SLIT1: variants seen among roughly 807,000 people sequenced by gnomAD.
SLIT1 encodes slit homolog 1 protein.
SLIT1 carries 66 observed loss-of-function variants against 186.1 expected under a neutral mutation model. That is an observed-to-expected ratio of 0.35 (90% CI 0.29 to 0.44). The LOEUF (loss-of-function observed/expected upper bound fraction) is 0.44, where lower values mean the gene tolerates loss of function less well. Ranked by LOEUF, SLIT1 falls within the 20% of genes least tolerant of loss-of-function variation. The pLI, the probability that SLIT1 is intolerant of heterozygous loss-of-function variation, is 1.00. For synonymous variants in SLIT1, 761 were observed against 833.8 expected, an observed-to-expected ratio of 0.91 and a Z score of 1.50; for missense variants, 1,638 against 2,037.4, an observed-to-expected ratio of 0.80 and a Z score of 3.77.
At chr10:97,087,988 G>C (rs573363831) in intron 4 of SLIT1, among the ~76,000 whole-genome samples, 1 of 152,176 alleles carries the variant, frequency 6.6e-6, no homozygotes, top group East Asian at 1.9e-4. Flanking sequence ...ATCAGAATCT[G>C]CCTTTAATAA....
rs746210844 is a variant in SLIT1 at position 97,004,707 on chromosome 10, G to A, written c.3696C>T (p.Ser1232=). The A allele has an allele frequency of 1.9e-6, 3 of 1,614,148 alleles. No individual in the cohort carries two copies. The highest frequency in any genetic ancestry group is 2.5e-6 in the Non-Finnish European group (3 of 1,180,018). Residue 1232 remains serine (S), a synonymous_variant, in exon 33 of 37, where the codon AGC becomes AGT. Coordinates refer to ENST00000266058, the MANE Select transcript of SLIT1 (RefSeq NM_003061.3). This position sits in a 1 kb window ranked among gnomAD's most constrained non-coding sequence, Gnocchi z 5.1. ...RVSYDPGSYP[S]SAIYSAETIN... ...GGAAGCCCTACCTGTAGATGGCAGA[G>A]CTGGGGTAGCTGCCTGGGTCGTAGC... is the stretch of plus-strand genomic sequence containing the variant.
intron 21 of SLIT1, among the ~76,000 whole-genome samples, chr10:97,039,161 G>C (rs962351323): frequency 3.3e-5 from 5 of 152,190 alleles, no homozygotes; most frequent in Non-Finnish European, 7.3e-5. Flanking sequence ...CGCTGGTCCT[G>C]GGGGTGGGGG....
rs954143919 is a variant in SLIT1, at chr10:97,031,116, G to A, written c.2511-288C>T. Among the ~76,000 whole-genome samples the A allele has an allele frequency of 2.6e-5, 4 of 152,190 alleles. No individual in the cohort carries two copies. The South Asian group carries it at 8.3e-4, about 32-fold the overall frequency. On this transcript the variant is annotated intron_variant, in intron 24 of 36. Transcript: ENST00000266058. Reference sequence around the variant, plus strand: ...TCCCTCTTTTCGTGGAGGACCCTAAGGGGGGAGGCGCTTCTTCTTAGGAAG... The same window carrying A: ...TCCCTCTTTTCGTGGAGGACCCTAAAGGGGGAGGCGCTTCTTCTTAGGAAG...
chr10:97,058,846 G>A (rs1254925554), intron 11 of SLIT1, among the ~76,000 whole-genome samples: 3 of 152,218 alleles, frequency 2.0e-5, no homozygotes, highest in East Asian at 1.9e-4. Flanking sequence ...AAGTGCTGTA[G>A]GACCTCGGGT....
intron 30 of SLIT1, among the ~76,000 whole-genome samples, chr10:97,011,850 C>T (rs1204490441): frequency 2.0e-5 from 3 of 152,096 alleles, no homozygotes; most frequent in Non-Finnish European, 2.9e-5. Context: ...AATACCGTCT[C>T]CTGTCTGCCT....
Position 96,998,934 on chromosome 10 carries a change from T to C in SLIT1, c.*2178A>G, listed in dbSNP as rs1017849618. On this transcript the variant is annotated 3_prime_UTR_variant, in exon 37 of 37. Coordinates refer to ENST00000266058, the MANE Select transcript of SLIT1 (RefSeq NM_003061.3). ...AGAGGCCTCCTGCCAGCCAGTGCCC[T>C]TCAAGCCTGGGAATTGGCTTCTCCA... The C allele has an allele frequency of 2.0e-5, 3 of 152,404 alleles. No individual in the cohort carries two copies. Among genetic ancestry groups the C allele is most frequent in the Non-Finnish European group, 2.9e-5 (2 of 68,204 alleles). The allele number at this position is 152,404 out of a possible 1,614,324, so 9.4% of individuals were successfully genotyped here.
chr10:97,049,738 C>T (rs1848770733), intron 13 of SLIT1, among the ~76,000 whole-genome samples: 1 of 152,256 alleles, frequency 6.6e-6, no homozygotes, highest in Non-Finnish European at 1.5e-5. Flanking sequence ...CTCTCCTTGA[C>T]CATTTTACAG....
intron 13 of SLIT1, among the ~76,000 whole-genome samples, chr10:97,052,594 T>A (rs1314946712): frequency 6.6e-6 from 1 of 152,214 alleles, no homozygotes; most frequent in Non-Finnish European, 1.5e-5. Flanking sequence ...AATTGTATAC[T>A]TAGAACAGGT....
rs118017338 is a variant in SLIT1 at position 97,023,691 on chromosome 10, G to A, written c.2583-2278C>T. Among the ~76,000 whole-genome samples the A allele has an allele frequency of 2.7e-4, 41 of 152,236 alleles. No individual in the cohort carries two copies. The East Asian group carries it at 5.2e-3, about 19-fold the overall frequency. On this transcript the variant is annotated intron_variant, in intron 25 of 36. Coordinates refer to ENST00000266058, the MANE Select transcript of SLIT1 (RefSeq NM_003061.3). ...GGTGAGGTAGCTCATTCCTGTAATC[G>A]CAGCACTGTGGGAGGCCGAGGCAGG...
Position 97,014,152 on chromosome 10 carries a change from G to A in SLIT1, c.2976C>T (p.Ser992=), listed in dbSNP as rs1848434317. The A allele has an allele frequency of 6.2e-7, 1 of 1,613,528 alleles. No individual in the cohort carries two copies. The highest frequency in any genetic ancestry group is 8.5e-7 in the Non-Finnish European group (1 of 1,180,044). ...TTGGTCCTTCAAAGCCGGTGGGACA[G>A]GAGCACCTGTGCGGGGAAGGGGAGG... ...QEGEDAPFTC[S]CPTGFEGPTC... Residue 992 remains serine (S), a synonymous_variant, in exon 29 of 37, where the codon TCC becomes TCT. Coordinates refer to ENST00000266058, the MANE Select transcript of SLIT1 (RefSeq NM_003061.3).
At chr10:97,161,107 C>T (rs995407865) in intron 3 of SLIT1, among the ~76,000 whole-genome samples, 2 of 152,142 alleles carry the variant, frequency 1.3e-5, no homozygotes, top group Non-Finnish European at 1.5e-5. Flanking sequence ...ACAACTCAGG[C>T]GGCGACCATT....
At chr10:97,078,166 A>G (rs1215780386) in intron 4 of SLIT1, among the ~76,000 whole-genome samples, 1 of 152,190 alleles carries the variant, frequency 6.6e-6, no homozygotes, top group Non-Finnish European at 1.5e-5. Flanking sequence ...GGTCCCAGGG[A>G]ATTCCTGATG....
At chr10:97,169,254 G>T (rs1040337449) in intron 1 of SLIT1, among the ~76,000 whole-genome samples, 2 of 152,198 alleles carry the variant, frequency 1.3e-5, no homozygotes, top group Non-Finnish European at 2.9e-5. Flanking sequence ...AGAGCTTAAT[G>T]CCTCCTCTCA....
At chr10:97,126,887 G>A (rs1445099008) in intron 4 of SLIT1, among the ~76,000 whole-genome samples, 1 of 152,146 alleles carries the variant, frequency 6.6e-6, no homozygotes, top group Non-Finnish European at 1.5e-5. Flanking sequence ...TGTGACCCTC[G>A]CCTGGCACTT....
intron 26 of SLIT1, 75 bp from the exon 27 acceptor site, chr10:97,019,182 C>G: frequency 2.1e-6 from 2 of 953,750 alleles, no homozygotes; most frequent in Non-Finnish European, 3.3e-6. Flanking sequence ...ACCTCAACCC[C>G]GAGGAGCCCA....
chr10:97,154,576 A>G (rs1849922692), intron 4 of SLIT1: 1 of 152,196 alleles, frequency 6.6e-6, no homozygotes. Flanking sequence ...TTCTGGCTCT[A>G]GAGCCTAGAA....
intron 8 of SLIT1, among the ~76,000 whole-genome samples, chr10:97,061,893 A>G (rs1253725579): frequency 6.6e-6 from 1 of 152,114 alleles, no homozygotes; most frequent in Non-Finnish European, 1.5e-5. Context: ...AACTTCGAAT[A>G]TTTTCCATGG....
chr10:97,098,689 C>T (rs1482056824), intron 4 of SLIT1, among the ~76,000 whole-genome samples: 4 of 152,164 alleles, frequency 2.6e-5, no homozygotes, highest in African/African-American at 7.2e-5. Context: ...AGCGGATCAG[C>T]GTGGTGTCTC....
chr10:97,164,894 G>C lies in SLIT1; in HGVS notation c.198-4C>G. ...GATGTTGTTGCCATTGAGTTCCCTG[G>C]AGGAAGAAGGAGAGAAGGAAGCAGT... On this transcript the variant is annotated splice_region_variant and splice_polypyrimidine_tract_variant and intron_variant, in intron 1 of 36. Coordinates refer to ENST00000266058, the MANE Select transcript of SLIT1 (RefSeq NM_003061.3). 2 of 1,611,620 alleles carry C rather than the reference G, an allele frequency of 1.2e-6. No individual in the cohort carries two copies. Among genetic ancestry groups the C allele is most frequent in the Non-Finnish European group, 1.7e-6 (2 of 1,177,878 alleles).
Sources: gnomAD v4.1 joint callset for allele counts (sites outside exome capture counted in the v4.1 genomes callset) on GRCh38, gnomAD v4.1.1 for gene constraint, Gnocchi (gnomAD v3.1) non-coding constraint, MANE v1.5 for transcripts, NCBI Gene and HGNC (gene_info 2026-07-23, HGNC 2026-07-21) for gene names.